G2E3: variants seen among roughly 807,000 people sequenced by gnomAD.
G2E3 encodes G2/M-phase specific E3 ubiquitin protein ligase, also known as G2/M phase-specific E3 ubiquitin-protein ligase.
Under a neutral mutation model 92.8 loss-of-function variants are expected in G2E3, and 35 were observed. That is an observed-to-expected ratio of 0.38 (90% CI 0.29 to 0.50). The LOEUF is 0.50. Ranked by LOEUF, G2E3 falls within the 20% of genes least tolerant of loss-of-function variation. G2E3 has a pLI of 0.94. For missense variants in G2E3, 554 were observed against 823.8 expected (o/e 0.67, Z 4.01); for synonymous variants, 242 against 272.4 (o/e 0.89, Z 1.10).
chr14:30,593,613 G>T lies in G2E3; in HGVS notation c.502G>T (p.Ala168Ser). Residue 168 changes from alanine (A) to serine (S), a missense_variant, in exon 6 of 15, where the codon GCT becomes TCT. Transcript: ENST00000206595. ...ATTACGAAGTCCTTGTTGTAAGAAC[G>T]CTTGGTTTCATAGAGACTGTTTACA... is the stretch of plus-strand genomic sequence containing the variant. ...NILRSPCCKNAWFHRDCLQVQ... is the reference protein window; with the variant it reads ...NILRSPCCKNSWFHRDCLQVQ... The T allele has an allele frequency of 1.2e-6, 2 of 1,608,278 alleles. No individual in the cohort carries two copies. The highest frequency in any genetic ancestry group is 1.7e-6 in the Non-Finnish European group (2 of 1,175,444).
chr14:30,564,281 C>A (rs1455118163), intron 1 of G2E3, among the ~76,000 whole-genome samples: 1 of 152,126 alleles, frequency 6.6e-6, no homozygotes, highest in Non-Finnish European at 1.5e-5. Context: ...CTCTTGGCTG[C>A]ATCATATGAT....
intron 1 of G2E3, among the ~76,000 whole-genome samples, chr14:30,578,086 G>A (rs1880220186): frequency 6.6e-6 from 1 of 151,996 alleles, no homozygotes; most frequent in Admixed American, 6.5e-5. Context: ...ACTGAAATAT[G>A]TGAATAGTAC....
intron 7 of G2E3, 146 bp downstream of exon 7, chr14:30,597,672 A>G: frequency 1.6e-6 from 1 of 607,368 alleles, no homozygotes. Flanking sequence ...CTCCTCCCCC[A>G]CATGGCCAGT....
chr14:30,561,059 G>T (rs749597729), intron 1 of G2E3, among the ~76,000 whole-genome samples: 1 of 152,178 alleles, frequency 6.6e-6, no homozygotes, highest in Non-Finnish European at 1.5e-5. Flanking sequence ...TAGGATTATT[G>T]TGAGGATTGA....
chr14:30,581,180 T>G, intron 2 of G2E3, 64 bp downstream of exon 2: 2 of 887,200 alleles, frequency 2.3e-6, no homozygotes, highest in Admixed American at 3.6e-5. Flanking sequence ...ACTTAAACAT[T>G]AGGACTGAAG....
chr14:30,570,372 T>G (rs1879685539), intron 1 of G2E3, among the ~76,000 whole-genome samples: 1 of 150,108 alleles, frequency 6.7e-6, no homozygotes, highest in African/African-American at 2.5e-5. Context: ...CTGTATAGAT[T>G]TCAGTCTTCC....
chr14:30,574,445 G>A (rs997873508), intron 1 of G2E3: 1 of 148,840 alleles, frequency 6.7e-6, no homozygotes, highest in African/African-American at 2.5e-5. Flanking sequence ...TTTTAGGTTT[G>A]GGGGTACATG....
chr14:30,560,646 T>C (rs1003928563), intron 1 of G2E3: 1 of 609,248 alleles, frequency 1.6e-6, no homozygotes, highest in African/African-American at 1.9e-5. Context: ...TATATCCTAA[T>C]CTCTTTATTT....
intron 1 of G2E3, among the ~76,000 whole-genome samples, chr14:30,577,054 G>A (rs904370004): frequency 1.3e-5 from 2 of 151,768 alleles, no homozygotes; most frequent in Non-Finnish European, 2.9e-5. Context: ...GTGAAACCCC[G>A]TCTGTACTAA....
intron 4 of G2E3, chr14:30,590,956 A>G (rs1253597864): frequency 4.2e-6 from 1 of 237,740 alleles, no homozygotes; most frequent in East Asian, 1.1e-4. Context: ...GAGCACCTCT[A>G]ATCTGAAAAT....
In G2E3 at chr14:30,608,854, T is replaced by C. The variant is rs149463072; in HGVS notation, c.1500+785T>C. 4.0e-3 allele frequency among the ~76,000 whole-genome samples: 609 copies of C among 152,350 alleles called. 8 individuals are homozygous for C. Among genetic ancestry groups the C allele is most frequent in the African/African-American group, 0.013 (552 of 41,584 alleles). On this transcript the variant is annotated intron_variant, in intron 12 of 14. Transcript: ENST00000206595. ...GGCCTTAGCCAGGCGTGGTGGCATG[T>C]GCCTGTAATCCCAGCTACTCTGGAG...
chr14:30,565,948 C>A (rs550384525), intron 1 of G2E3, among the ~76,000 whole-genome samples: 1 of 152,132 alleles, frequency 6.6e-6, no homozygotes, highest in Non-Finnish European at 1.5e-5. Flanking sequence ...ACGTGAGCCA[C>A]CACACCTGGC....
intron 8 of G2E3, 45 bp from the exon 9 acceptor site, chr14:30,601,725 A>T (rs758318881): frequency 1.2e-6 from 2 of 1,607,832 alleles, no homozygotes; most frequent in Non-Finnish European, 8.5e-7. Context: ...GGTTGAAACT[A>T]GAATAATAAC....
At chr14:30,578,993 G>C (rs1880277787) in intron 1 of G2E3, among the ~76,000 whole-genome samples, 1 of 152,150 alleles carries the variant, frequency 6.6e-6, no homozygotes, top group South Asian at 2.1e-4. Context: ...GTTTTATTGA[G>C]AACTGGTCTT....
chr14:30,601,654 C>G (rs534019410), intron 8 of G2E3, 116 bp from the exon 9 acceptor site: 13 of 912,800 alleles, frequency 1.4e-5, no homozygotes, highest in Non-Finnish European at 2.1e-5. Context: ...TTTAGTAAAT[C>G]GATTGGGCGG....
In G2E3 at chr14:30,616,409, T is replaced by C. The variant is rs1259882641; in HGVS notation, c.1996T>C (p.Cys666Arg). Residue 666 changes from cysteine (C) to arginine (R), a missense_variant, in exon 15 of 15, where the codon TGT becomes CGT. By Grantham distance (180) the Cys-to-Arg change is radical. This residue lies in a region of G2E3 where 397 missense variants were observed against 560.3 expected (regional missense o/e 0.71). Coordinates refer to ENST00000206595, the MANE Select transcript of G2E3 (RefSeq NM_017769.5). ...TGTGGATTTTCCTGTTGGAAACAAG[T>C]GTAATAACTGTTTAGCAATTCCCAT... Reference protein sequence around the residue: ...LHVDFPVGNKCNNCLAIPITN... With the variant: ...LHVDFPVGNKRNNCLAIPITN... The C allele has an allele frequency of 6.2e-7, 1 of 1,612,810 alleles. No individual in the cohort carries two copies. The highest frequency in any genetic ancestry group is 8.5e-7 in the Non-Finnish European group (1 of 1,179,162).
At chr14:30,565,925 T>C (rs954145052) in intron 1 of G2E3, among the ~76,000 whole-genome samples, 3 of 152,078 alleles carry the variant, frequency 2.0e-5, no homozygotes, top group African/African-American at 7.2e-5. Flanking sequence ...CCTCCCAAAG[T>C]GCTGGATTAC....
chr14:30,616,195 T>A, intron 14 of G2E3, 83 bp from the exon 15 acceptor site: 1 of 908,300 alleles, frequency 1.1e-6, no homozygotes, highest in Non-Finnish European at 1.8e-6. Flanking sequence ...CAAGTCTATT[T>A]GGAGAAGAAT....
At chr14:30,584,071 C>A (rs1202260962) in intron 2 of G2E3, among the ~76,000 whole-genome samples, 1 of 151,960 alleles carries the variant, frequency 6.6e-6, no homozygotes, top group Non-Finnish European at 1.5e-5. Flanking sequence ...TTTGTGTGTC[C>A]CTGTGGATTT....
Sources: allele counts gnomAD v4.1 joint callset (sites outside exome capture counted in the v4.1 genomes callset), GRCh38; gene constraint gnomAD v4.1.1; regional missense constraint gnomAD v4.1.1; transcripts MANE v1.5; gene names NCBI Gene and HGNC (gene_info 2026-07-23, HGNC 2026-07-21).